The following DNAH14 variants were observed in gnomAD, a reference collection of about 807,000 sequenced individuals.
DNAH14 encodes axonemal beta dynein heavy chain 14.
DNAH14 carries 478 observed loss-of-function variants against 520.9 expected under a neutral mutation model. The ratio of observed to expected loss-of-function variants is 0.92; its 90% CI spans 0.85 to 0.99. The LOEUF (loss-of-function observed/expected upper bound fraction) is 0.99. Among genes scored for constraint, DNAH14 ranks in the 50% least tolerant of loss-of-function variants. The probability of loss-of-function intolerance (pLI) is 0.00; values close to 1 mark genes in which losing one functional copy is unlikely to be tolerated. For synonymous variants in DNAH14, 1,581 were observed against 1,757.2 expected (o/e 0.90, Z 2.51); for missense variants, 4,831 against 5,234.5 (o/e 0.92, Z 2.38).
intron 17 of DNAH14, among the ~76,000 whole-genome samples, chr1:225,058,690 A>G (rs1389889449): frequency 6.6e-6 from 1 of 151,532 alleles, no homozygotes; most frequent in Non-Finnish European, 1.5e-5. Flanking sequence ...TTCCCTCTAC[A>G]CACTGCTTTG....
chr1:225,180,038 T>A (rs1337345587), intron 36 of DNAH14, among the ~76,000 whole-genome samples: 2 of 152,188 alleles, frequency 1.3e-5, no homozygotes, highest in Non-Finnish European at 2.9e-5. Flanking sequence ...GCTTTTAGGA[T>A]CCTCTCCTGT....
chr1:224,931,218 G>A (rs1408355365), intron 1 of DNAH14, among the ~76,000 whole-genome samples: 1 of 151,968 alleles, frequency 6.6e-6, no homozygotes, highest in East Asian at 1.9e-4. Context: ...ATAGAATAAG[G>A]ATATAAAGGA....
At chr1:225,086,688 G>T (rs897008730) in intron 21 of DNAH14, among the ~76,000 whole-genome samples, 1 of 151,744 alleles carries the variant, frequency 6.6e-6, no homozygotes, top group East Asian at 1.9e-4. Context: ...AAACCAAATG[G>T]ACTTTATTCT....
intron 58 of DNAH14, among the ~76,000 whole-genome samples, chr1:225,307,150 T>C (rs2094262641): frequency 2.0e-5 from 3 of 152,320 alleles, no homozygotes; most frequent in South Asian, 2.1e-4. Flanking sequence ...GTTTTTCCTT[T>C]GAGTCCATTT....
At chr1:225,110,465 A>G (rs2076398143) in intron 23 of DNAH14, among the ~76,000 whole-genome samples, 1 of 151,836 alleles carries the variant, frequency 6.6e-6, no homozygotes, top group Non-Finnish European at 1.5e-5. Context: ...ATTGGCATAT[A>G]GTTGCTCATA....
intron 8 of DNAH14, among the ~76,000 whole-genome samples, chr1:224,976,641 G>GA (rs1041296103): frequency 6.6e-5 from 10 of 150,586 alleles, no homozygotes; most frequent in Non-Finnish European, 1.3e-4. Flanking sequence ...AAATTTACAA[G>GA]AAAAAAACAA....
At chr1:225,100,905 A>C in intron 23 of DNAH14, 21 bp downstream of exon 23, 1 of 1,455,682 alleles carries the variant, frequency 6.9e-7, no homozygotes. Context: ...AGCAATTCTA[A>C]AGCAGTGAAT....
chr1:225,241,118 A>C (rs972264027), intron 43 of DNAH14, among the ~76,000 whole-genome samples: 1 of 152,166 alleles, frequency 6.6e-6, no homozygotes, highest in African/African-American at 2.4e-5. Flanking sequence ...TGTATTATCC[A>C]TATCGCCATG....
chr1:225,058,683 C>G (rs906029901), intron 17 of DNAH14, among the ~76,000 whole-genome samples: 2 of 151,870 alleles, frequency 1.3e-5, no homozygotes, highest in African/African-American at 4.8e-5. Flanking sequence ...TATAAATTTC[C>G]CTCTACACAC....
intron 55 of DNAH14, among the ~76,000 whole-genome samples, chr1:225,296,784 T>C (rs1046858767): frequency 1.1e-4 from 17 of 152,166 alleles, no homozygotes; most frequent in Non-Finnish European, 7.3e-5. Flanking sequence ...GCAGTTTCCT[T>C]CAGTTCTTTG....
At chr1:224,974,367 C>G (rs1247588253) in intron 8 of DNAH14, among the ~76,000 whole-genome samples, 3 of 152,114 alleles carry the variant, frequency 2.0e-5, no homozygotes, top group Non-Finnish European at 2.9e-5. Context: ...TATGGAAAAC[C>G]TTGATGAGTT....
intron 84 of DNAH14, chr1:225,397,935 T>C (rs1396161967): frequency 1.3e-5 from 2 of 150,962 alleles, no homozygotes; most frequent in Admixed American, 6.6e-5. Flanking sequence ...TAATCCCAGC[T>C]ACTCAGGAGG....
intron 34 of DNAH14, among the ~76,000 whole-genome samples, chr1:225,154,738 A>C (rs925175304): frequency 2.6e-5 from 4 of 152,132 alleles, no homozygotes; most frequent in African/African-American, 9.6e-5. Flanking sequence ...AATGTACTTG[A>C]AGAAACATAT....
intron 17 of DNAH14, among the ~76,000 whole-genome samples, chr1:225,056,444 G>A (rs1171434146): frequency 6.6e-6 from 1 of 152,128 alleles, no homozygotes; most frequent in Non-Finnish European, 1.5e-5. Flanking sequence ...TTTGTCAGAT[G>A]AGTAGATTGC....
chr1:224,989,501 G>T (rs1402308999), intron 8 of DNAH14, among the ~76,000 whole-genome samples: 1 of 151,910 alleles, frequency 6.6e-6, no homozygotes, highest in East Asian at 1.9e-4. Context: ...ATAGAATATT[G>T]GTTATCTGTA....
chr1:225,218,476 TG>T (rs1281544498), intron 41 of DNAH14, among the ~76,000 whole-genome samples: 2 of 138,308 alleles, frequency 1.4e-5, no homozygotes, highest in African/African-American at 5.4e-5. Flanking sequence ...ACCAAGCAAA[TG>T]GAAACCAAAA....
intron 49 of DNAH14, among the ~76,000 whole-genome samples, chr1:225,267,938 G>A (rs1159489980): frequency 6.6e-6 from 1 of 151,974 alleles, no homozygotes; most frequent in Admixed American, 6.6e-5. Context: ...GCAGGAAATA[G>A]GGTCTGGAAT....
Position 225,364,790 on chromosome 1 carries a change from A to T in DNAH14, c.11988-2A>T. 2 of 1,512,650 alleles carry T rather than the reference A, an allele frequency of 1.3e-6. No individual in the cohort carries two copies. The highest frequency in any genetic ancestry group is 1.8e-6 in the Non-Finnish European group (2 of 1,132,804). 93.7% of individuals were successfully genotyped at this position (1,512,650 alleles called of 1,614,324 possible). On this transcript the variant is annotated splice_acceptor_variant, in intron 75 of 85. Transcript: ENST00000682510. LOFTEE classifies it high-confidence loss of function. ...AATATTTATAAATTTTTTATTTTGC[A>T]GTTTTAATAGTCCAAACGTGACAAT...
At chr1:225,075,457 A>G (rs1251828901) in intron 17 of DNAH14, among the ~76,000 whole-genome samples, 1 of 152,172 alleles carries the variant, frequency 6.6e-6, no homozygotes, top group African/African-American at 2.4e-5. Flanking sequence ...CCAAATTCTT[A>G]AAAATTATTT....
Sources: gnomAD v4.1 joint callset for allele counts (sites outside exome capture counted in the v4.1 genomes callset) on GRCh38, gnomAD v4.1.1 for gene constraint, MANE v1.5 for transcripts, NCBI Gene and HGNC (gene_info 2026-07-23, HGNC 2026-07-21) for gene names.